KCNB2: variants seen among roughly 807,000 people sequenced by gnomAD.
KCNB2 encodes potassium voltage-gated channel subfamily B member 2.
A neutral mutation model predicts 61.5 loss-of-function variants in KCNB2; 15 were observed. The ratio of observed to expected loss-of-function variants is 0.24; its 90% CI spans 0.16 to 0.38. The LOEUF (loss-of-function observed/expected upper bound fraction) is 0.38. Ranked by LOEUF, KCNB2 falls within the 10% of genes least tolerant of loss-of-function variation. The probability of loss-of-function intolerance (pLI) is 1.00; values close to 1 mark genes in which losing one functional copy is unlikely to be tolerated. For missense variants in KCNB2, 828 were observed against 1,125.2 expected (o/e 0.74, Z 3.78); for synonymous variants, 457 against 446.0 (o/e 1.02, Z -0.31).
intron 2 of KCNB2, among the ~76,000 whole-genome samples, chr8:72,896,935 T>TCTTTTGTACCCCAAAAGA: frequency 6.6e-6 from 1 of 152,242 alleles, no homozygotes; most frequent in East Asian, 1.9e-4. Context: ...ATTTTTGAAT[T>TCTTTTGTACCCCAAAAGA]GCTTTTTGTT....
chr8:72,810,125 G>T (rs4738282), intron 2 of KCNB2, among the ~76,000 whole-genome samples: 1 of 152,094 alleles, frequency 6.6e-6, no homozygotes, highest in Non-Finnish European at 1.5e-5. Context: ...CATGGGGAAA[G>T]AGGAATGTCT....
At chr8:72,640,410 A>G (rs1806035882) in intron 2 of KCNB2, among the ~76,000 whole-genome samples, 2 of 151,984 alleles carry the variant, frequency 1.3e-5, no homozygotes, top group African/African-American at 4.8e-5. Flanking sequence ...TATGGTCATC[A>G]GTGATCTGAT....
At chr8:72,888,345 A>G (rs1805840142) in intron 2 of KCNB2, among the ~76,000 whole-genome samples, 1 of 152,122 alleles carries the variant, frequency 6.6e-6, no homozygotes, top group Non-Finnish European at 1.5e-5. Flanking sequence ...TCCTGGGCTC[A>G]AGAGATCCAC....
chr8:72,543,012 C>G (rs1041306229), intron 1 of KCNB2, among the ~76,000 whole-genome samples: 5 of 152,138 alleles, frequency 3.3e-5, no homozygotes, highest in African/African-American at 1.2e-4. Context: ...AGTTGTATGA[C>G]AGAAGCATCC....
chr8:72,730,008 G>C (rs143762968), intron 2 of KCNB2, among the ~76,000 whole-genome samples: 1 of 152,212 alleles, frequency 6.6e-6, no homozygotes, highest in African/African-American at 2.4e-5. Flanking sequence ...ATAAACATGG[G>C]GAGAGAAATT....
intron 2 of KCNB2, among the ~76,000 whole-genome samples, chr8:72,893,213 T>TA (rs969162608): frequency 7.4e-4 from 113 of 151,754 alleles, no homozygotes; most frequent in East Asian, 3.5e-3. Flanking sequence ...TTCTGCTTAT[T>TA]AAAAAAAAAT....
In KCNB2 at chr8:72,938,003, G is replaced by A; in HGVS notation, c.2648G>A (p.Cys883Tyr). 6.2e-7 allele frequency: 1 copy of A among 1,614,144 alleles called. No homozygotes were observed. The highest frequency in any genetic ancestry group is 8.5e-7 in the Non-Finnish European group (1 of 1,180,002). The change falls in exon 3 of 3, where the codon TGC becomes TAC. Residue 883 changes from cysteine to tyrosine, a missense_variant. By Grantham distance (194) the Cys-to-Tyr change is radical. Transcript: ENST00000523207. ...AAAAAGGACAGTAGTCAAGAAGGGT[G>A]CAAGATGGAAAATCACTTGTTTGCC... The part of the protein sequence containing the change: ...EVKKDSSQEG[C>Y]KMENHLFAPE...
At chr8:72,802,638 G>A (rs558927609) in intron 2 of KCNB2, among the ~76,000 whole-genome samples, 9 of 152,178 alleles carry the variant, frequency 5.9e-5, no homozygotes, top group African/African-American at 1.9e-4. Context: ...AATATTGAAA[G>A]TCTGCAACTA....
chr8:72,561,723 ATATATCTATATC>A (rs1285487848), intron 1 of KCNB2, among the ~76,000 whole-genome samples: 688 of 31,694 alleles, frequency 0.022, 66 homozygotes, highest in African/African-American at 0.069. Flanking sequence ...ATATATATAT[ATATATCTATATC>A]TATATATATA....
intron 2 of KCNB2, among the ~76,000 whole-genome samples, chr8:72,731,713 C>A (rs1807740582): frequency 6.6e-6 from 1 of 152,150 alleles, no homozygotes; most frequent in African/African-American, 2.4e-5. Context: ...CCTCTCAGGA[C>A]AACAATGAGA....
At chr8:72,778,782 G>GA (rs1808707339) in intron 2 of KCNB2, among the ~76,000 whole-genome samples, 3 of 67,514 alleles carry the variant, frequency 4.4e-5, no homozygotes, top group African/African-American at 1.1e-4. Flanking sequence ...GAAAGAAAAA[G>GA]AAAAGAAAAG....
chr8:72,599,173 G>T (rs1807248751), intron 2 of KCNB2, among the ~76,000 whole-genome samples: 1 of 152,276 alleles, frequency 6.6e-6, no homozygotes, highest in African/African-American at 2.4e-5. Flanking sequence ...AAAGCTGGAG[G>T]CATCATGCTA....
intron 2 of KCNB2, among the ~76,000 whole-genome samples, chr8:72,741,260 T>C (rs532843255): frequency 3.3e-5 from 5 of 152,170 alleles, no homozygotes; most frequent in Non-Finnish European, 7.4e-5. Context: ...GAATGTTCCA[T>C]GTACCTTTGT....
intron 1 of KCNB2, among the ~76,000 whole-genome samples, chr8:72,564,093 G>A (rs973717268): frequency 1.3e-5 from 2 of 152,164 alleles, no homozygotes; most frequent in African/African-American, 4.8e-5. Context: ...CTTGATCAGT[G>A]AAGAAGATAT....
chr8:72,785,216 G>A (rs531085361), intron 2 of KCNB2, among the ~76,000 whole-genome samples: 1 of 152,040 alleles, frequency 6.6e-6, no homozygotes, highest in East Asian at 1.9e-4. Context: ...CCAAACATTG[G>A]ATCAAAGCTG....
At chr8:72,775,978 A>T (rs1011119847) in intron 2 of KCNB2, among the ~76,000 whole-genome samples, 1 of 152,180 alleles carries the variant, frequency 6.6e-6, no homozygotes, top group Admixed American at 6.5e-5. Flanking sequence ...ACTATTCACA[A>T]TAGCAAAGAC....
At chr8:72,884,700 C>T (rs1327002639) in intron 2 of KCNB2, among the ~76,000 whole-genome samples, 3 of 152,130 alleles carry the variant, frequency 2.0e-5, no homozygotes, top group Non-Finnish European at 2.9e-5. Context: ...TCTGCAATAA[C>T]ACCTCTATCC....
intron 2 of KCNB2, among the ~76,000 whole-genome samples, chr8:72,675,092 G>T (rs1806630291): frequency 1.3e-5 from 2 of 152,074 alleles, no homozygotes; most frequent in Non-Finnish European, 2.9e-5. Context: ...GACTAATGGG[G>T]CTACAACACA....
chr8:72,668,767 C>T (rs777716864), intron 2 of KCNB2, among the ~76,000 whole-genome samples: 6 of 152,050 alleles, frequency 3.9e-5, no homozygotes, highest in African/African-American at 1.4e-4. Flanking sequence ...TTCTTATTTA[C>T]TTGTTTATTA....
Sources: gnomAD v4.1 joint callset for allele counts (sites outside exome capture counted in the v4.1 genomes callset) on GRCh38, gnomAD v4.1.1 for gene constraint, MANE v1.5 for transcripts, NCBI Gene and HGNC (gene_info 2026-07-23, HGNC 2026-07-21) for gene names.